The following PTER variants were observed in gnomAD, a reference collection of about 807,000 sequenced individuals.
PTER encodes the protein N-acetyltaurine hydrolase.
Under a neutral mutation model 29.6 loss-of-function variants are expected in PTER, and 38 were observed. That is an observed-to-expected ratio of 1.28 (90% confidence interval 0.99 to 1.68). The LOEUF (loss-of-function observed/expected upper bound fraction) is 1.68. Among genes scored for constraint, PTER ranks in the 40% most tolerant of loss-of-function variants. The pLI is 0.00. For synonymous variants in PTER, 172 were observed against 154.5 expected, an observed-to-expected ratio of 1.11 and a Z score of -0.84; for missense variants, 482 against 427.8, an observed-to-expected ratio of 1.13 and a Z score of -1.12.
At chr10:16,466,294 A>G (rs1316248283) in intron 1 of PTER, among the ~76,000 whole-genome samples, 2 of 126,866 alleles carry the variant, frequency 1.6e-5, no homozygotes, top group Non-Finnish European at 3.3e-5. Flanking sequence ...TTTCTGTTAT[A>G]ACTACCTTTT....
At chr10:16,443,490 T>C (rs1833913982) in intron 1 of PTER, among the ~76,000 whole-genome samples, 1 of 152,222 alleles carries the variant, frequency 6.6e-6, no homozygotes, top group Non-Finnish European at 1.5e-5. Context: ...TTTTCTTTGA[T>C]TGTTAAATTT....
intron 1 of PTER, among the ~76,000 whole-genome samples, chr10:16,480,302 G>A (rs1337051162): frequency 6.6e-6 from 1 of 150,480 alleles, no homozygotes; most frequent in Non-Finnish European, 1.5e-5. Flanking sequence ...CAATTCTCCT[G>A]CCTCAGCCTC....
rs1836068790 is a variant in PTER, at chr10:16,495,707, C to T, written c.698+9090C>T. On this transcript the variant is annotated intron_variant, in intron 3 of 4. Transcript: ENST00000535784. ...CCACATAGAGCTGCCCTCACAGGCC[C>T]ACCACTTGCCCAAGGAATTCACAGA... 2.0e-5 allele frequency among the ~76,000 whole-genome samples: 3 copies of T among 152,138 alleles called. No individual in the cohort carries two copies. In the South Asian group the frequency reaches 6.2e-4, roughly 32 times the overall value.
downstream of PTER, chr10:16,514,293 G>A (rs897935917): frequency 2.9e-5 from 16 of 561,242 alleles, no homozygotes; most frequent in Admixed American, 2.0e-4. Flanking sequence ...GGACACTAAC[G>A]ATAAGGAGTA....
intron 3 of PTER, among the ~76,000 whole-genome samples, chr10:16,501,423 T>C (rs1836345517): frequency 6.6e-6 from 1 of 151,684 alleles, no homozygotes; most frequent in Non-Finnish European, 1.5e-5. Context: ...TTGTCATGAT[T>C]ACCATAGTTC....
chr10:16,500,292 C>G (rs1836284152), intron 3 of PTER, among the ~76,000 whole-genome samples: 1 of 149,980 alleles, frequency 6.7e-6, no homozygotes, highest in South Asian at 2.1e-4. Context: ...CAGTGCGACC[C>G]AGGCTGGAGT....
Position 16,511,436 on chromosome 10 carries a change from A to G in PTER, c.*180A>G. Reference sequence around the variant, plus strand: ...AGCTATTACAACTGTGCCTCTAGGGAGTTACTCAGCCTAATTGAGCCCTAT... The same window carrying G: ...AGCTATTACAACTGTGCCTCTAGGGGGTTACTCAGCCTAATTGAGCCCTAT... On this transcript the variant is annotated 3_prime_UTR_variant, in exon 5 of 5. Coordinates refer to ENST00000535784, the MANE Select transcript of PTER (RefSeq NM_001261836.2). The G allele has an allele frequency of 3.3e-6, 2 of 609,378 alleles. No individual in the cohort carries two copies. Among genetic ancestry groups the G allele is most frequent in the Non-Finnish European group, 5.8e-6 (2 of 345,060 alleles). 37.7% of individuals were successfully genotyped at this position (609,378 alleles called of 1,614,324 possible). A position where few individuals can be genotyped will look rare whatever the true frequency, so the allele number is the denominator to read the frequency against.
At chr10:16,510,521 A>G (rs1314926733) in intron 4 of PTER, among the ~76,000 whole-genome samples, 1 of 152,228 alleles carries the variant, frequency 6.6e-6, no homozygotes, top group Non-Finnish European at 1.5e-5. Flanking sequence ...AATGCCCCTC[A>G]CTTGCAGACC....
chr10:16,503,905 A>G (rs1836460527), intron 3 of PTER, among the ~76,000 whole-genome samples: 1 of 152,232 alleles, frequency 6.6e-6, no homozygotes, highest in Non-Finnish European at 1.5e-5. Context: ...TAAAAAGCCA[A>G]TAAGACAATG....
intron 3 of PTER, among the ~76,000 whole-genome samples, chr10:16,503,252 A>T (rs190488585): frequency 1.2e-3 from 177 of 151,158 alleles, no homozygotes; most frequent in Non-Finnish European, 2.1e-3. Context: ...TTTGAGATGG[A>T]GTCTTGCTCT....
At chr10:16,508,774 C>T (rs759587081) in intron 4 of PTER, among the ~76,000 whole-genome samples, 33 of 152,134 alleles carry the variant, frequency 2.2e-4, no homozygotes, top group African/African-American at 7.5e-4. Context: ...CATGCATTCT[C>T]GCTTGACCCA....
chr10:16,487,346 C>T (rs1177243043), intron 3 of PTER, among the ~76,000 whole-genome samples: 1 of 152,196 alleles, frequency 6.6e-6, no homozygotes, highest in Non-Finnish European at 1.5e-5. Context: ...AGCCTCAGAT[C>T]CAGCTGTTCC....
At position 16,511,283 on chromosome 10, in the gene PTER, G is replaced by C. The variant is rs769281260; in HGVS notation, c.*27G>C. On this transcript the variant is annotated 3_prime_UTR_variant, in exon 5 of 5. Coordinates refer to ENST00000535784, the MANE Select transcript of PTER (RefSeq NM_001261836.2). ...ATGGTTGCTTATGAATTCACACCTT[G>C]AGTATAAAACTTGCAGAGAACATTC... 1 of 1,584,546 alleles carries C rather than the reference G, an allele frequency of 6.3e-7. No individual in the cohort carries two copies. Among genetic ancestry groups the C allele is most frequent in the Admixed American group, 1.7e-5 (1 of 59,938 alleles).
chr10:16,469,594 A>C (rs534345870), intron 1 of PTER, among the ~76,000 whole-genome samples: 2 of 152,084 alleles, frequency 1.3e-5, no homozygotes, highest in South Asian at 2.1e-4. Context: ...GGAGTCTTGG[A>C]TGAAATCTGA....
At chr10:16,457,350 C>T (rs557361351) in intron 1 of PTER, among the ~76,000 whole-genome samples, 3 of 151,862 alleles carry the variant, frequency 2.0e-5, no homozygotes, top group Non-Finnish European at 4.4e-5. Flanking sequence ...GTAGCTGGGA[C>T]TACAGGCGCC....
intron 4 of PTER, among the ~76,000 whole-genome samples, chr10:16,506,739 C>T (rs1413465237): frequency 2.6e-5 from 4 of 151,814 alleles, no homozygotes; most frequent in South Asian, 2.1e-4. Flanking sequence ...TCTAGTGTCT[C>T]TGTGAGGTGG....
rs569193065 is a variant in PTER, at chr10:16,457,821, G to T, written c.-49+20774G>T. Among the ~76,000 whole-genome samples the T allele has an allele frequency of 5.3e-5, 8 of 151,728 alleles. 1 individual carries two copies. The highest frequency in any genetic ancestry group is 1.9e-4 in the African/African-American group (8 of 41,386). On this transcript the variant is annotated intron_variant, in intron 1 of 4. Transcript: ENST00000535784. ...GACGGGATTTCACCATGTTGGCCGC[G>T]CTAGTCTCAACTCCCAGCCTCAGGT...
intron 3 of PTER, among the ~76,000 whole-genome samples, chr10:16,489,017 T>C (rs920067111): frequency 6.6e-6 from 1 of 152,220 alleles, no homozygotes; most frequent in African/African-American, 2.4e-5. Flanking sequence ...ACTGTTTCAC[T>C]CACATGTTAT....
At chr10:16,485,849 C>T (rs1835673916) in intron 2 of PTER, among the ~76,000 whole-genome samples, 2 of 152,084 alleles carry the variant, frequency 1.3e-5, no homozygotes, top group Non-Finnish European at 2.9e-5. Context: ...GTCCTAGCTA[C>T]ATGGGAGCCT....
Sources: allele counts gnomAD v4.1 joint callset (sites outside exome capture counted in the v4.1 genomes callset), GRCh38; gene constraint gnomAD v4.1.1; transcripts MANE v1.5; gene names NCBI Gene and HGNC (gene_info 2026-07-23, HGNC 2026-07-21).